PACRGL: variants seen among roughly 807,000 people sequenced by gnomAD.
The protein encoded by PACRGL is PACRG-like protein.
A neutral mutation model predicts 34.5 loss-of-function variants in PACRGL; 38 were observed. The observed-to-expected ratio is 1.10, with a 90% CI of 0.85 to 1.44. The LOEUF is 1.44. Among genes scored for constraint, PACRGL ranks in the 40% most tolerant of loss-of-function variants. PACRGL has a pLI of 0.00. For missense variants in PACRGL, 305 were observed against 281.4 expected (o/e 1.08, Z -0.60); for synonymous variants, 128 against 100.1 (o/e 1.28, Z -1.66).
intron 7 of PACRGL, among the ~76,000 whole-genome samples, chr4:20,724,489 T>C (rs1744808519): frequency 6.6e-6 from 1 of 152,192 alleles, no homozygotes; most frequent in Non-Finnish European, 1.5e-5. Context: ...ATGTGTGTTT[T>C]AGAGGCACAG....
chr4:20,720,076 A>G (rs1238344489), intron 7 of PACRGL, among the ~76,000 whole-genome samples: 1 of 152,144 alleles, frequency 6.6e-6, no homozygotes. Flanking sequence ...TCCCTTTACC[A>G]TTATGTAATG....
chr4:20,706,336 A>G (rs1734451478), intron 3 of PACRGL, among the ~76,000 whole-genome samples: 1 of 152,184 alleles, frequency 6.6e-6, no homozygotes, highest in Non-Finnish European at 1.5e-5. Context: ...AGGGCCAAAA[A>G]GAAAGATCAT....
At chr4:20,742,821 G>C (rs544382060) in intron 8 of PACRGL, among the ~76,000 whole-genome samples, 1 of 152,050 alleles carries the variant, frequency 6.6e-6, no homozygotes, top group Non-Finnish European at 1.5e-5. Flanking sequence ...AAACCCTGTC[G>C]TCTCAGCCCA....
intron 1 of PACRGL, among the ~76,000 whole-genome samples, chr4:20,701,139 T>G (rs887543212): frequency 2.6e-5 from 4 of 152,152 alleles, no homozygotes; most frequent in East Asian, 3.9e-4. Flanking sequence ...AGACCTGGAT[T>G]AGAAAGCAGG....
chr4:20,758,498 A>G, the PACRGL span, among the ~76,000 whole-genome samples: 1 of 152,204 alleles, frequency 6.6e-6, no homozygotes, highest in African/African-American at 2.4e-5. Flanking sequence ...GAATCAAGTG[A>G]GACCTACAAT....
At chr4:20,735,524 T>G (rs1024449873), downstream of PACRGL, among the ~76,000 whole-genome samples, 6 of 123,860 alleles carry the variant, frequency 4.8e-5, no homozygotes, top group African/African-American at 2.0e-4. Context: ...TAGTGTTTTT[T>G]TTTTTGTTTT....
intron 7 of PACRGL, among the ~76,000 whole-genome samples, chr4:20,717,703 A>T (rs1167197585): frequency 6.6e-6 from 1 of 152,094 alleles, no homozygotes; most frequent in South Asian, 2.1e-4. Flanking sequence ...ATCTCTGTTT[A>T]GGTACCAGTA....
At chr4:20,735,686 G>A (rs894717514), downstream of PACRGL, among the ~76,000 whole-genome samples, 8 of 151,918 alleles carry the variant, frequency 5.3e-5, no homozygotes, top group South Asian at 2.1e-4. Flanking sequence ...ACAGGCACCC[G>A]CCACCATGCC....
At chr4:20,763,231 T>C in the PACRGL span, among the ~76,000 whole-genome samples, 1 of 152,212 alleles carries the variant, frequency 6.6e-6, no homozygotes, top group South Asian at 2.1e-4. Context: ...TGCCATTTTG[T>C]CTCTCAAAAA....
rs962314029 is a variant in PACRGL at position 20,730,651 on chromosome 4, A to G, written c.*3310A>G. Among the ~76,000 whole-genome samples the G allele has an allele frequency of 6.6e-6, 1 of 152,204 alleles. No homozygotes were observed. The highest frequency in any genetic ancestry group is 2.4e-5 in the African/African-American group (1 of 41,462). Reference sequence around the variant, plus strand: ...CTCTTTCTGTCTGCTAGTTATGGCTAAAGCTGCATGGCCTGAAGGAGCCTT... The same window carrying G: ...CTCTTTCTGTCTGCTAGTTATGGCTGAAGCTGCATGGCCTGAAGGAGCCTT... On this transcript the variant is annotated 3_prime_UTR_variant, in exon 9 of 9. Transcript: ENST00000503585.
At chr4:20,712,123 ATAGTTTCATTTACCTTTCC>A (rs1432153000) in intron 5 of PACRGL, among the ~76,000 whole-genome samples, 2 of 151,924 alleles carry the variant, frequency 1.3e-5, no homozygotes, top group African/African-American at 2.4e-5. Flanking sequence ...CTTTTTGTCT[ATAGTTTCATTTACCTTTCC>A]TTTTCCTCCT....
chr4:20,715,880 G>A lies in PACRGL; in HGVS notation c.609+2341G>A, dbSNP rs183097600. ...TCTGCACTTCAAAAAAAAACCAAAAGTCGAATGGATAAAAGCTAATGAATG... is the reference window on the plus strand; with the variant it reads ...TCTGCACTTCAAAAAAAAACCAAAAATCGAATGGATAAAAGCTAATGAATG... On this transcript the variant is annotated intron_variant, in intron 7 of 8. Transcript: ENST00000503585. 2.3e-3 allele frequency among the ~76,000 whole-genome samples: 351 copies of A among 152,102 alleles called. 8 individuals are homozygous for A. In the South Asian group the frequency reaches 0.046, roughly 20 times the overall value.
chr4:20,732,775 T>G, downstream of PACRGL: 3 of 1,601,174 alleles, frequency 1.9e-6, no homozygotes, highest in Non-Finnish European at 2.6e-6. Context: ...TTTCATTATA[T>G]CAAGCATTTC....
the PACRGL span, among the ~76,000 whole-genome samples, chr4:20,764,684 A>G: frequency 6.8e-6 from 1 of 147,614 alleles, no homozygotes; most frequent in Non-Finnish European, 1.5e-5. Context: ...GGAATTGGAC[A>G]CACACACACA....
At chr4:20,699,169 A>G (rs569107724), upstream of PACRGL, among the ~76,000 whole-genome samples, 1 of 152,308 alleles carries the variant, frequency 6.6e-6, no homozygotes, top group African/African-American at 2.4e-5. Flanking sequence ...AGTCTTGAGG[A>G]AGCTGGAGAT....
At chr4:20,736,529 T>C (rs1211860405), downstream of PACRGL, among the ~76,000 whole-genome samples, 1 of 152,212 alleles carries the variant, frequency 6.6e-6, no homozygotes, top group African/African-American at 2.4e-5. Flanking sequence ...TGTGCAATAT[T>C]AGCTGCAAAT....
rs552908206 is a variant in PACRGL at position 20,711,072 on chromosome 4, G to A, written c.366+1299G>A. 1.1e-3 allele frequency among the ~76,000 whole-genome samples: 162 copies of A among 151,836 alleles called. 1 individual carries two copies. The highest frequency in any genetic ancestry group is 3.6e-3 in the African/African-American group (149 of 41,434). On this transcript the variant is annotated intron_variant, in intron 5 of 8. Transcript: ENST00000503585. ...ACATTAGCCAGGCACAGTAGAGTGA[G>A]ATGCTATCTCAAACACACACACACA...
chr4:20,719,378 A>G (rs553870148), intron 7 of PACRGL, among the ~76,000 whole-genome samples: 4 of 152,168 alleles, frequency 2.6e-5, no homozygotes, highest in East Asian at 1.9e-4. Flanking sequence ...TAGCTTTTGA[A>G]TGTGTTTGCT....
intron 8 of PACRGL, among the ~76,000 whole-genome samples, chr4:20,742,852 G>A (rs1342694738): frequency 6.6e-6 from 1 of 152,120 alleles, no homozygotes; most frequent in Non-Finnish European, 1.5e-5. Flanking sequence ...AAACTGATAA[G>A]CAACTTAAGC....
Sources: allele counts gnomAD v4.1 joint callset (sites outside exome capture counted in the v4.1 genomes callset), GRCh38; gene constraint gnomAD v4.1.1; transcripts MANE v1.5; gene names NCBI Gene and HGNC (gene_info 2026-07-23, HGNC 2026-07-21).